Variants in NCKAP5 observed in about 807,000 individuals in gnomAD.
NCKAP5 encodes the protein NCK associated protein 5.
Under a neutral mutation model 167.0 loss-of-function variants are expected in NCKAP5, and 92 were observed. The observed-to-expected ratio is 0.55, with a 90% CI of 0.47 to 0.66. The LOEUF (loss-of-function observed/expected upper bound fraction) is 0.66. Among genes scored for constraint, NCKAP5 ranks in the 30% least tolerant of loss-of-function variants. The pLI is 0.00. For synonymous variants in NCKAP5, 891 were observed against 877.4 expected, an observed-to-expected ratio of 1.02 and a Z score of -0.27; for missense variants, 2,378 against 2,315.0, an observed-to-expected ratio of 1.03 and a Z score of -0.56.
At chr2:133,334,216 A>G (rs1683063266) in intron 3 of NCKAP5, among the ~76,000 whole-genome samples, 2 of 152,120 alleles carry the variant, frequency 1.3e-5, no homozygotes. Context: ...CAGGTTTCTC[A>G]CCTGTAAAAT....
the NCKAP5 span, among the ~76,000 whole-genome samples, chr2:133,637,476 CAAAAAA>C: frequency 0.21 from 6,790 of 32,162 alleles, 186 homozygotes; most frequent in African/African-American, 0.26. Flanking sequence ...TGGTATTTTC[CAAAAAA>C]AAAAAAAAAA....
At chr2:133,648,782 G>A in the NCKAP5 span, among the ~76,000 whole-genome samples, 192 of 150,618 alleles carry the variant, frequency 1.3e-3, 3 homozygotes, top group Middle Eastern at 6.8e-3. Context: ...TGCAATAAAC[G>A]TTTATAATGT....
intron 6 of NCKAP5, among the ~76,000 whole-genome samples, chr2:133,079,560 A>C (rs1247287372): frequency 1.3e-5 from 2 of 152,120 alleles, no homozygotes; most frequent in East Asian, 1.9e-4. Context: ...TATTGTCAGT[A>C]ATTTTGCATA....
chr2:133,358,655 G>T (rs1465907948), intron 3 of NCKAP5, among the ~76,000 whole-genome samples: 1 of 152,108 alleles, frequency 6.6e-6, no homozygotes, highest in Admixed American at 6.5e-5. Context: ...TCAATGTTCT[G>T]TTGTGGCCTG....
At chr2:132,676,214 A>G (rs1684442376) in intron 19 of NCKAP5, among the ~76,000 whole-genome samples, 1 of 150,758 alleles carries the variant, frequency 6.6e-6, no homozygotes, top group Non-Finnish European at 1.5e-5. Context: ...ATAACAAAAT[A>G]CCCAGTATGT....
the NCKAP5 span, among the ~76,000 whole-genome samples, chr2:133,624,257 A>C: frequency 1.3e-5 from 2 of 152,140 alleles, no homozygotes; most frequent in Non-Finnish European, 2.9e-5. Flanking sequence ...CCACCACCCC[A>C]AAACCTATTG....
intron 6 of NCKAP5, among the ~76,000 whole-genome samples, chr2:133,099,545 T>A (rs1018375316): frequency 3.3e-5 from 5 of 152,228 alleles, no homozygotes; most frequent in African/African-American, 9.6e-5. Context: ...TAACTAGCTG[T>A]TGATCTCTGC....
At chr2:132,856,151 G>A (rs2105512701) in intron 11 of NCKAP5, among the ~76,000 whole-genome samples, 1 of 152,280 alleles carries the variant, frequency 6.6e-6, no homozygotes, top group East Asian at 1.9e-4. Context: ...AAAGTTCACT[G>A]AGGACTGCTG....
intron 5 of NCKAP5, among the ~76,000 whole-genome samples, chr2:133,199,785 T>C (rs753207885): frequency 2.6e-5 from 4 of 152,018 alleles, no homozygotes; most frequent in Non-Finnish European, 5.9e-5. Context: ...AGTAGCTTAA[T>C]TCATACCAGC....
chr2:132,730,102 G>A (rs554961687), intron 17 of NCKAP5, among the ~76,000 whole-genome samples: 1 of 152,308 alleles, frequency 6.6e-6, no homozygotes, highest in South Asian at 2.1e-4. Context: ...GTCAGGACAG[G>A]AAAGTTCAGG....
Position 133,190,765 on chromosome 2 carries a change from T to C in NCKAP5, c.207+22951A>G, listed in dbSNP as rs540666425. The stretch of plus-strand genomic sequence containing the variant: ...CCCTTCCTTACACCTTATACAAAAA[T>C]TAATTCAAGACGGACTAAAGACTGA... On this transcript the variant is annotated intron_variant, in intron 5 of 19. Coordinates refer to ENST00000409261, the MANE Select transcript of NCKAP5 (RefSeq NM_207363.3). 2.6e-5 allele frequency among the ~76,000 whole-genome samples: 4 copies of C among 152,248 alleles called. No homozygotes were observed. In the South Asian group the frequency reaches 8.3e-4, roughly 32 times the overall value.
intron 11 of NCKAP5, among the ~76,000 whole-genome samples, chr2:132,859,917 T>C (rs531439260): frequency 6.6e-6 from 1 of 152,246 alleles, no homozygotes; most frequent in East Asian, 1.9e-4. Flanking sequence ...TCAAATGGCT[T>C]GACTTTCCAC....
intron 3 of NCKAP5, among the ~76,000 whole-genome samples, chr2:133,377,634 T>C (rs1686237080): frequency 6.6e-6 from 1 of 152,218 alleles, no homozygotes; most frequent in African/African-American, 2.4e-5. Flanking sequence ...GGTTGATTTC[T>C]GCCTAGTTAG....
chr2:133,396,459 C>T (rs984090030), intron 3 of NCKAP5, among the ~76,000 whole-genome samples: 12 of 152,048 alleles, frequency 7.9e-5, no homozygotes, highest in Non-Finnish European at 1.8e-4. Context: ...TTAAAACACC[C>T]AACATAGAAT....
chr2:133,275,979 G>A (rs182177543), intron 4 of NCKAP5, among the ~76,000 whole-genome samples: 21 of 151,290 alleles, frequency 1.4e-4, no homozygotes, highest in Admixed American at 1.3e-4. Context: ...CCTGTCTCCC[G>A]TTCTACCTCC....
chr2:132,940,395 T>G (rs903628220), intron 8 of NCKAP5, among the ~76,000 whole-genome samples: 1 of 152,208 alleles, frequency 6.6e-6, no homozygotes, highest in Non-Finnish European at 1.5e-5. Flanking sequence ...TGATCAAATT[T>G]GGTCATCACT....
intron 6 of NCKAP5, among the ~76,000 whole-genome samples, chr2:133,113,769 G>A (rs745990619): frequency 7.2e-5 from 11 of 152,202 alleles, no homozygotes; most frequent in Non-Finnish European, 1.6e-4. Context: ...ACAGAGTATA[G>A]ACATGACAGC....
At chr2:132,888,588 AC>A (rs1294846805) in intron 8 of NCKAP5, among the ~76,000 whole-genome samples, 1 of 151,896 alleles carries the variant, frequency 6.6e-6, no homozygotes, top group Non-Finnish European at 1.5e-5. Flanking sequence ...ATGGGACTTC[AC>A]CATGTTGGTC....
At chr2:133,515,791 C>G (rs1263144537) in intron 3 of NCKAP5, among the ~76,000 whole-genome samples, 1 of 152,226 alleles carries the variant, frequency 6.6e-6, no homozygotes, top group Non-Finnish European at 1.5e-5. Flanking sequence ...GGGGGTTACT[C>G]ACGTCCCCCT....
Sources: gnomAD v4.1 joint callset for allele counts (sites outside exome capture counted in the v4.1 genomes callset) on GRCh38, gnomAD v4.1.1 for gene constraint, MANE v1.5 for transcripts, NCBI Gene and HGNC (gene_info 2026-07-23, HGNC 2026-07-21) for gene names.